The following LOC128706666 variants were observed in gnomAD, a reference collection of about 807,000 sequenced individuals.
the LOC128706666 span, among the ~76,000 whole-genome samples, chr20:10,427,028 T>TGACACACACACAGACACACACACA: frequency 1.8e-4 from 11 of 61,476 alleles, no homozygotes; most frequent in Admixed American, 9.5e-4. Context: ...AAGAAAACAC[T>TGACACACACACAGACACACACACA]GACACACACA....
chr20:10,433,361 T>C, the LOC128706666 span, among the ~76,000 whole-genome samples: 2 of 152,212 alleles, frequency 1.3e-5, no homozygotes, highest in Non-Finnish European at 2.9e-5. Flanking sequence ...AACTCATGGA[T>C]AGGGAGCGTA....
the LOC128706666 span, among the ~76,000 whole-genome samples, chr20:10,419,734 C>T: frequency 6.6e-6 from 1 of 152,152 alleles, no homozygotes; most frequent in African/African-American, 2.4e-5. Flanking sequence ...AAGTGACTAA[C>T]GAGCAGGTAG....
the LOC128706666 span, among the ~76,000 whole-genome samples, chr20:10,415,099 T>TA: frequency 2.0e-5 from 3 of 151,910 alleles, no homozygotes; most frequent in Non-Finnish European, 2.9e-5. Flanking sequence ...GTGTCCTTGC[T>TA]AAAAAAAAGT....
the LOC128706666 span, among the ~76,000 whole-genome samples, chr20:10,433,832 G>A: frequency 6.6e-6 from 1 of 152,152 alleles, no homozygotes; most frequent in South Asian, 2.1e-4. Flanking sequence ...GGAGCGTGGT[G>A]AGGCGCCACT....
At chr20:10,420,021 G>C in the LOC128706666 span, among the ~76,000 whole-genome samples, 2 of 152,010 alleles carry the variant, frequency 1.3e-5, no homozygotes, top group African/African-American at 4.8e-5. Context: ...TTGGTTTTGA[G>C]AACTTTTTGA....
the LOC128706666 span, among the ~76,000 whole-genome samples, chr20:10,417,174 C>A: frequency 6.6e-6 from 1 of 150,628 alleles, no homozygotes; most frequent in Non-Finnish European, 1.5e-5. Flanking sequence ...TCACTTCAAC[C>A]CAGAAGGCAG....
chr20:10,414,265 CTTTTTTTT>C, the LOC128706666 span, among the ~76,000 whole-genome samples: 1 of 132,360 alleles, frequency 7.6e-6, no homozygotes, highest in Non-Finnish European at 1.6e-5. Flanking sequence ...GTCTCTGAGT[CTTTTTTTT>C]TTTTTTTTTG....
the LOC128706666 span, among the ~76,000 whole-genome samples, chr20:10,426,463 TG>T: frequency 6.6e-6 from 1 of 152,198 alleles, no homozygotes; most frequent in African/African-American, 2.4e-5. Flanking sequence ...GGGAGCGTAG[TG>T]GTGTGATCTC....
At chr20:10,423,130 A>T in the LOC128706666 span, among the ~76,000 whole-genome samples, 1 of 152,082 alleles carries the variant, frequency 6.6e-6, no homozygotes, top group African/African-American at 2.4e-5. Context: ...AGGAAAAAAA[A>T]CCCTAGCTTA....
At chr20:10,431,570 AC>A in the LOC128706666 span, 2 of 151,398 alleles carry the variant, frequency 1.3e-5, no homozygotes, top group Non-Finnish European at 2.9e-5. Context: ...ACCAAACCAA[AC>A]CCGCACAAAA....
chr20:10,421,491 G>A, the LOC128706666 span, among the ~76,000 whole-genome samples: 3 of 151,676 alleles, frequency 2.0e-5, no homozygotes, highest in Non-Finnish European at 2.9e-5. Context: ...CAAATATGCA[G>A]TAAGAATTTA....
At chr20:10,431,766 G>A in the LOC128706666 span, 1 of 152,132 alleles carries the variant, frequency 6.6e-6, no homozygotes, top group African/African-American at 2.4e-5. Flanking sequence ...GCAGCCACTT[G>A]TCTTCTCTGC....
the LOC128706666 span, among the ~76,000 whole-genome samples, chr20:10,431,150 T>C: frequency 6.6e-6 from 1 of 152,182 alleles, no homozygotes; most frequent in Non-Finnish European, 1.5e-5. Context: ...TATTATCTTA[T>C]ACGAATCATA....
chr20:10,429,726 C>T, the LOC128706666 span, among the ~76,000 whole-genome samples: 1 of 152,116 alleles, frequency 6.6e-6, no homozygotes, highest in East Asian at 1.9e-4. Context: ...TTACATAATC[C>T]CTCCTCCCTA....
the LOC128706666 span, among the ~76,000 whole-genome samples, chr20:10,433,062 G>C: frequency 6.6e-6 from 1 of 152,192 alleles, no homozygotes; most frequent in African/African-American, 2.4e-5. Context: ...GGAGTGCAGT[G>C]GCGTGATCTC....
chr20:10,420,769 G>T, the LOC128706666 span: 2 of 152,136 alleles, frequency 1.3e-5, no homozygotes. Context: ...CTAAGAAAAG[G>T]TTACAGTTAG....
chr20:10,426,996 A>G, the LOC128706666 span, among the ~76,000 whole-genome samples: 2 of 148,844 alleles, frequency 1.3e-5, no homozygotes, highest in African/African-American at 4.9e-5. Context: ...GTAATCTTTT[A>G]GAGTAGCTTA....
the LOC128706666 span, among the ~76,000 whole-genome samples, chr20:10,422,501 G>A: frequency 2.0e-5 from 3 of 152,076 alleles, no homozygotes; most frequent in Non-Finnish European, 4.4e-5. Context: ...AGAGTAAGGA[G>A]GGAAGAATTC....
the LOC128706666 span, among the ~76,000 whole-genome samples, chr20:10,431,137 G>T: frequency 6.6e-6 from 1 of 152,102 alleles, no homozygotes; most frequent in South Asian, 2.1e-4. Flanking sequence ...TTTATTGGGA[G>T]TATATTATCT....
Sources: gnomAD v4.1 joint callset for allele counts (sites outside exome capture counted in the v4.1 genomes callset) on GRCh38, gnomAD v4.1.1 for gene constraint, MANE v1.5 for transcripts.